MRPL3: variants seen among roughly 807,000 people sequenced by gnomAD.
MRPL3 encodes large ribosomal subunit protein uL3m.
In MRPL3, 43 loss-of-function variants were observed where a neutral mutation model predicts 44.3. The observed-to-expected ratio is 0.97, with a 90% CI of 0.76 to 1.25. The LOEUF (loss-of-function observed/expected upper bound fraction) is 1.25, where lower values mean the gene tolerates loss of function less well. Ranked by LOEUF, MRPL3 falls within the 50% of genes most tolerant of loss-of-function variation. MRPL3 has a pLI of 0.00. For missense variants in MRPL3, 406 were observed against 427.6 expected (o/e 0.95, Z 0.45); for synonymous variants, 171 against 152.3 (o/e 1.12, Z -0.91).
At chr3:131,463,984 TCTA>T (rs1415398718) in intron 9 of MRPL3, among the ~76,000 whole-genome samples, 1 of 152,064 alleles carries the variant, frequency 6.6e-6, no homozygotes, top group Admixed American at 6.6e-5. Context: ...GAAAAACAGA[TCTA>T]CTTTAATCCC....
intron 8 of MRPL3, 113 bp downstream of exon 8, chr3:131,469,583 T>C: frequency 1.5e-6 from 1 of 682,146 alleles, no homozygotes; most frequent in Admixed American, 3.1e-5. Flanking sequence ...TTTTCCTCAA[T>C]AATTTTAAAG....
intron 5 of MRPL3, among the ~76,000 whole-genome samples, 167 bp downstream of exon 5, chr3:131,489,814 G>T (rs1934208259): frequency 6.8e-6 from 1 of 147,870 alleles, no homozygotes. Flanking sequence ...TTATCTACAG[G>T]TTTTTCCACT....
rs753415068 is a variant in MRPL3 at position 131,501,682 on chromosome 3, A to G, written c.126T>C (p.His42=). 11 of 1,613,648 alleles carry G rather than the reference A, an allele frequency of 6.8e-6. No individual in the cohort carries two copies. The highest frequency in any genetic ancestry group is 1.7e-5 in the Admixed American group (1 of 59,948). ...THIWLFVRGL[H]GKSGTWWDEH... ...CATCCCACCATGTACCACTCTTTCCATGAAGACCTCTAACAAAAAGCCAGA... is the reference window on the plus strand; with the variant it reads ...CATCCCACCATGTACCACTCTTTCCGTGAAGACCTCTAACAAAAAGCCAGA... Residue 42 remains histidine (H), a synonymous_variant, in exon 2 of 10, where the codon CAT becomes CAC. Transcript: ENST00000264995.
At chr3:131,472,959 G>C (rs962751820) in intron 6 of MRPL3, among the ~76,000 whole-genome samples, 8 of 152,064 alleles carry the variant, frequency 5.3e-5, no homozygotes, top group Non-Finnish European at 1.2e-4. Context: ...TCATGAACTG[G>C]AAGAACTGCT....
chr3:131,481,313 C>T (rs973000447), intron 6 of MRPL3, among the ~76,000 whole-genome samples: 10 of 152,112 alleles, frequency 6.6e-5, no homozygotes, highest in African/African-American at 2.4e-4. Flanking sequence ...TTCAGGAAAA[C>T]ATGGATCTTT....
intron 8 of MRPL3, among the ~76,000 whole-genome samples, chr3:131,469,228 A>ACACACG (rs1446160057): frequency 6.9e-6 from 1 of 145,234 alleles, no homozygotes; most frequent in Admixed American, 6.8e-5. Context: ...ACTTACACAC[A>ACACACG]CACACGCACA....
chr3:131,487,908 C>A (rs554680284), intron 5 of MRPL3, among the ~76,000 whole-genome samples, 168 bp from the exon 6 acceptor site: 3 of 152,258 alleles, frequency 2.0e-5, no homozygotes, highest in Admixed American at 2.0e-4. Context: ...ACAAATATGT[C>A]TTTTGATTGA....
intron 7 of MRPL3, among the ~76,000 whole-genome samples, chr3:131,470,802 C>A (rs983222905): frequency 3.3e-5 from 5 of 152,112 alleles, no homozygotes; most frequent in Admixed American, 2.6e-4. Flanking sequence ...AGAAACCTAG[C>A]TCCATTATCA....
chr3:131,501,157 C>T (rs566381937), intron 2 of MRPL3, among the ~76,000 whole-genome samples: 9 of 152,328 alleles, frequency 5.9e-5, no homozygotes, highest in African/African-American at 1.7e-4. Flanking sequence ...GGTTATGCTT[C>T]CCAAATCTAC....
chr3:131,498,278 C>A lies in MRPL3; in HGVS notation c.370-1G>T, dbSNP rs770452693. ...ATTTTAAGACATGACAGTCTTGTAC[C>A]TAAAAAAACAAACATAAAAAAACTA... is the stretch of plus-strand genomic sequence containing the variant. On this transcript the variant is annotated splice_acceptor_variant, in intron 3 of 9. Coordinates refer to ENST00000264995, the MANE Select transcript of MRPL3 (RefSeq NM_007208.4). LOFTEE classifies it high-confidence loss of function. 1 of 1,586,170 alleles carries A rather than the reference C, an allele frequency of 6.3e-7. No homozygotes were observed. The highest frequency in any genetic ancestry group is 1.1e-5 in the South Asian group (1 of 89,072).
At chr3:131,467,994 C>T (rs555761096) in intron 9 of MRPL3, 97 bp downstream of exon 9, 6 of 596,994 alleles carry the variant, frequency 1.0e-5, no homozygotes, top group East Asian at 6.2e-5. Flanking sequence ...CAAATATCCA[C>T]ATATATAAAC....
rs1452728521 is a variant in MRPL3, at chr3:131,487,662, C to T, written c.629+18G>A. ...AGATGAAAACAAAAGGAAAAGAGAA[C>T]TCGCTATGAGGACCTACGTTTTGGC... On this transcript the variant is annotated intron_variant, in intron 6 of 9. Coordinates refer to ENST00000264995, the MANE Select transcript of MRPL3 (RefSeq NM_007208.4). 15 of 1,596,696 alleles carry T rather than the reference C, an allele frequency of 9.4e-6. No individual in the cohort carries two copies. The highest frequency in any genetic ancestry group is 1.2e-5 in the Non-Finnish European group (14 of 1,169,106).
At chr3:131,483,942 T>C (rs1043230616) in intron 6 of MRPL3, among the ~76,000 whole-genome samples, 22 of 152,200 alleles carry the variant, frequency 1.4e-4, no homozygotes, top group Admixed American at 5.9e-4. Context: ...CATTACAGCA[T>C]GAGAAAAATT....
intron 1 of MRPL3, 197 bp from the exon 2 acceptor site, chr3:131,501,912 G>C (rs776446372): frequency 1.2e-5 from 19 of 1,535,832 alleles, no homozygotes; most frequent in Non-Finnish European, 1.6e-5. Context: ...CATTTAAACT[G>C]TTAGTCGTTA....
chr3:131,480,249 GCGGCAGTCAATTTCTACCCAATTCAGTGT>G (rs932203220), intron 6 of MRPL3, among the ~76,000 whole-genome samples: 7 of 152,130 alleles, frequency 4.6e-5, no homozygotes, highest in African/African-American at 1.7e-4. Flanking sequence ...CCTGTAAAGT[GCGGCAGTCAATTTCTACCCAATTCAGTGT>G]TGCTGTCTAA....
intron 7 of MRPL3, 91 bp downstream of exon 7, chr3:131,471,080 T>C: frequency 4.5e-6 from 4 of 884,214 alleles, no homozygotes; most frequent in Non-Finnish European, 7.4e-6. Context: ...CAGACTAAAA[T>C]TATGTGACTT....
intron 6 of MRPL3, among the ~76,000 whole-genome samples, chr3:131,473,639 CAA>C (rs1559816234): frequency 6.6e-6 from 1 of 151,708 alleles, no homozygotes; most frequent in African/African-American, 2.4e-5. Flanking sequence ...CTACATCTGA[CAA>C]GAGATATCTA....
chr3:131,502,603 ATTC>A, intron 1 of MRPL3, 124 bp downstream of exon 1: 1 of 734,148 alleles, frequency 1.4e-6, no homozygotes, highest in Non-Finnish European at 2.2e-6. Flanking sequence ...AACGGCCCTT[ATTC>A]TTCTGTGTCC....
intron 5 of MRPL3, among the ~76,000 whole-genome samples, chr3:131,488,381 T>A (rs537350310): frequency 7.2e-5 from 11 of 152,332 alleles, no homozygotes; most frequent in African/African-American, 2.4e-4. Flanking sequence ...AAGTCTTACT[T>A]TAAATGTACT....
Sources: allele counts gnomAD v4.1 joint callset (sites outside exome capture counted in the v4.1 genomes callset), GRCh38; gene constraint gnomAD v4.1.1; transcripts MANE v1.5; gene names NCBI Gene and HGNC (gene_info 2026-07-23, HGNC 2026-07-21).